ZC3H7B: variants seen among roughly 807,000 people sequenced by gnomAD.
ZC3H7B encodes zinc finger CCCH domain-containing protein 7B.
Under a neutral mutation model 116.0 loss-of-function variants are expected in ZC3H7B, and 35 were observed. The ratio of observed to expected loss-of-function variants is 0.30; its 90% CI spans 0.23 to 0.40. The LOEUF (loss-of-function observed/expected upper bound fraction) is 0.40. Ranked by LOEUF, ZC3H7B falls within the 10% of genes least tolerant of loss-of-function variation. The pLI is 1.00. For missense variants in ZC3H7B, 1,011 were observed against 1,321.5 expected (o/e 0.77, Z 3.64); for synonymous variants, 502 against 545.6 (o/e 0.92, Z 1.11).
In ZC3H7B at chr22:41,346,205, C is replaced by T. The variant is rs140000532; in HGVS notation, c.1662C>T (p.Cys554=). The T allele has an allele frequency of 6.2e-5, 100 of 1,609,284 alleles. No individual in the cohort carries two copies. Among genetic ancestry groups the T allele is most frequent in the African/African-American group, 3.2e-4 (24 of 75,014 alleles). The change falls in exon 14 of 23, where the codon TGC becomes TGT. Residue 554 remains cysteine (C), a synonymous_variant. Transcript: ENST00000352645. This position sits in a 1 kb window ranked among gnomAD's most constrained non-coding sequence, Gnocchi z 5.3. ...KEHQGIFTFL[C]EICFDSKPRI... is the part of the protein sequence containing the mutation. ...ACCAGGGCATCTTCACCTTCCTCTG[C>T]GAGGTACTGCCCACCCACCCACTGC...
chr22:41,332,633 C>T (rs368681066), intron 7 of ZC3H7B: 5 of 186,316 alleles, frequency 2.7e-5, no homozygotes, highest in East Asian at 3.0e-4. Context: ...TTTCAAAGCC[C>T]AGCTCAAGGG....
rs73885770 is a variant in ZC3H7B at position 41,308,147 on chromosome 22, T to C, written c.-7+6375T>C. On this transcript the variant is annotated intron_variant, in intron 1 of 22. Transcript: ENST00000352645. ...TTGGATTCCCTGAGACCGAGAACCA[T>C]GTCTTCTGATTGGTTTGTGTTACTG... Among the ~76,000 whole-genome samples the C allele has an allele frequency of 6.5e-3, 994 of 152,112 alleles. 10 individuals carry two copies. The highest frequency in any genetic ancestry group is 0.023 in the African/African-American group (970 of 41,510).
rs373809259 is a variant in ZC3H7B, at chr22:41,329,522, G to T, written c.445-501G>T. 9.2e-5 allele frequency among the ~76,000 whole-genome samples: 14 copies of T among 152,100 alleles called. No homozygotes were observed. In the East Asian group the frequency reaches 2.7e-3, roughly 30 times the overall value. ...GATCCGCCCACCTCTGCCTCCCAAAGTGCTGGGATTACAGGCATGAGCCAC... is the reference window on the plus strand; with the variant it reads ...GATCCGCCCACCTCTGCCTCCCAAATTGCTGGGATTACAGGCATGAGCCAC... On this transcript the variant is annotated intron_variant, in intron 5 of 22. Coordinates refer to ENST00000352645, the MANE Select transcript of ZC3H7B (RefSeq NM_017590.6).
chr22:41,349,423 C>A lies in ZC3H7B; in HGVS notation c.1948+122C>A. 1 of 1,336,400 alleles carries A rather than the reference C, an allele frequency of 7.5e-7. No individual in the cohort carries two copies. Among genetic ancestry groups the A allele is most frequent in the Non-Finnish European group, 1.0e-6 (1 of 981,182 alleles). The allele number at this position is 1,336,400 out of a possible 1,614,324, so 82.8% of individuals were successfully genotyped here. A position where few individuals can be genotyped will look rare whatever the true frequency, so the allele number is the denominator to read the frequency against. Reference sequence around the variant, plus strand: ...AGGGCCCCATGGTCGCTGGAGGGGGCTTCGGGAGAGTTCAGGAGAGGTGGC... The same window carrying A: ...AGGGCCCCATGGTCGCTGGAGGGGGATTCGGGAGAGTTCAGGAGAGGTGGC... On this transcript the variant is annotated intron_variant, in intron 16 of 22. Coordinates refer to ENST00000352645, the MANE Select transcript of ZC3H7B (RefSeq NM_017590.6). This position sits in a 1 kb window ranked among gnomAD's most constrained non-coding sequence, Gnocchi z 4.9.
rs2145946491 is a variant in ZC3H7B, at chr22:41,357,392, C to G, written c.2897C>G (p.Ala966Gly). 6.2e-7 allele frequency: 1 copy of G among 1,613,110 alleles called. No homozygotes were observed. The change falls in exon 23 of 23, where the codon GCC (alanine) becomes GGC (glycine). Residue 966 changes from alanine to glycine, a missense_variant. Ala to Gly is a moderately conservative substitution (Grantham distance 60, BLOSUM62 0). Coordinates refer to ENST00000352645, the MANE Select transcript of ZC3H7B (RefSeq NM_017590.6). This position sits in a 1 kb window ranked among gnomAD's most constrained non-coding sequence, Gnocchi z 5.4. ...GACCTTGCCGGTGCCACCCCAGAAG[C>G]CCCTGCTGCTGCTGCCACCGCCACC... The part of the protein sequence containing the change: ...DGDLAGATPE[A>G]PAAAATATTG...
At chr22:41,329,901 C>T (rs2036360700) in intron 5 of ZC3H7B, 122 bp from the exon 6 acceptor site, 1 of 954,228 alleles carries the variant, frequency 1.0e-6, no homozygotes, top group African/African-American at 1.6e-5. Flanking sequence ...TGGGGCCTCA[C>T]TTTCTCATCT....
At chr22:41,342,724 T>C in intron 12 of ZC3H7B, 96 bp downstream of exon 12, 1 of 1,228,298 alleles carries the variant, frequency 8.1e-7, no homozygotes, top group Non-Finnish European at 1.1e-6. Context: ...GTGTCTCAGT[T>C]GGAGATAAGT....
intron 17 of ZC3H7B, among the ~76,000 whole-genome samples, chr22:41,353,470 G>A (rs532150428): frequency 5.3e-5 from 8 of 152,362 alleles, no homozygotes; most frequent in Non-Finnish European, 8.8e-5. Context: ...TGCTCACATC[G>A]TCCCCAGGTG....
chr22:41,303,526 A>C (rs1295240509), intron 1 of ZC3H7B, among the ~76,000 whole-genome samples: 2 of 152,162 alleles, frequency 1.3e-5, no homozygotes. Context: ...CTCAAATATC[A>C]CTTTTTAGTT....
Position 41,349,070 on chromosome 22 carries a change from CAG to C in ZC3H7B, c.1767-47_1767-46del. The C allele has an allele frequency of 1.3e-6, 2 of 1,591,034 alleles. No homozygotes were observed. The highest frequency in any genetic ancestry group is 1.7e-6 in the Non-Finnish European group (2 of 1,166,920). On this transcript the variant is annotated intron_variant, in intron 15 of 22. Transcript: ENST00000352645. This position sits in a 1 kb window ranked among gnomAD's most constrained non-coding sequence, Gnocchi z 4.9. ...AGGTGGCCCTACCAGGAGAGAAGGT[CAG>C]AGGGGCTGCGGACTGCATCGTGCCC...
chr22:41,306,121 C>T (rs1031430331), intron 1 of ZC3H7B, among the ~76,000 whole-genome samples: 4 of 152,152 alleles, frequency 2.6e-5, no homozygotes, highest in African/African-American at 9.7e-5. Flanking sequence ...TGGGCAGATA[C>T]ATGACATTGG....
In ZC3H7B at chr22:41,338,260, G is replaced by C. The variant is rs1601783975; in HGVS notation, c.583-53G>C. ...ACGTGGGGAGGGGCTGGTGCTGGGT[G>C]CTGGGATCGGGGCCTTCCCAGCCAC... On this transcript the variant is annotated intron_variant, in intron 7 of 22. Transcript: ENST00000352645. This position sits in a 1 kb window ranked among gnomAD's most constrained non-coding sequence, Gnocchi z 4.5. The C allele has an allele frequency of 2.5e-6, 4 of 1,588,538 alleles. No homozygotes were observed. Among genetic ancestry groups the C allele is most frequent in the Non-Finnish European group, 3.4e-6 (4 of 1,164,002 alleles).
At position 41,346,013 on chromosome 22, in the gene ZC3H7B, C is replaced by T. The variant is rs1310623328; in HGVS notation, c.1470C>T (p.Asn490=). The change falls in exon 14 of 23, where the codon AAC becomes AAT. Residue 490 remains asparagine, a synonymous_variant. Coordinates refer to ENST00000352645, the MANE Select transcript of ZC3H7B (RefSeq NM_017590.6). The surrounding 1 kb of genome is among the most constrained non-coding windows in gnomAD (Gnocchi z 5.3). ...GTTGCCTCTTTGCAGACATGATTAA[C>T]AAGCAGGACTGTAAGTACGGGGATA... ...GSYYLCKDMI[N]KQDCKYGDNC... The T allele has an allele frequency of 1.1e-5, 17 of 1,614,002 alleles. No homozygotes were observed. The highest frequency in any genetic ancestry group is 1.3e-5 in the African/African-American group (1 of 74,912).
rs151218925 is a variant in ZC3H7B, at chr22:41,355,989, A to G, written c.2310A>G (p.Gln770=). 3.9e-5 allele frequency: 61 copies of G among 1,566,180 alleles called. No individual in the cohort carries two copies. Among genetic ancestry groups the G allele is most frequent in the Non-Finnish European group, 5.2e-5 (60 of 1,156,792 alleles). The part of the protein sequence containing the change: ...CIHAQNGRKC[Q]YVGNCSFAHS... ...ATGCACAGAACGGCCGCAAGTGCCA[A>G]TATGTGGGGAACTGCTCCTTCGCAC... The change falls in exon 20 of 23, where the codon CAA becomes CAG. Residue 770 remains glutamine, a synonymous_variant. Transcript: ENST00000352645.
chr22:41,338,885 TG>T lies in ZC3H7B; in HGVS notation c.626-114del. ...CAGCCGATGGGGAAGGCAGGGCTCC[TG>T]GCAAGAGCTGAAAGAAGAAGGGAAA... On this transcript the variant is annotated intron_variant, in intron 8 of 22. Transcript: ENST00000352645. This position sits in a 1 kb window ranked among gnomAD's most constrained non-coding sequence, Gnocchi z 4.5. 8.3e-7 allele frequency: 1 copy of T among 1,208,416 alleles called. No homozygotes were observed. The highest frequency in any genetic ancestry group is 1.1e-6 in the Non-Finnish European group (1 of 884,844). 74.9% of individuals were successfully genotyped at this position (1,208,416 alleles called of 1,614,324 possible).
At chr22:41,318,539 A>AG in intron 1 of ZC3H7B, among the ~76,000 whole-genome samples, 1 of 150,830 alleles carries the variant, frequency 6.6e-6, no homozygotes, top group East Asian at 1.9e-4. Flanking sequence ...AAAAAAAAAA[A>AG]AAAAAAAAGA....
At chr22:41,317,685 G>A (rs897114526) in intron 1 of ZC3H7B, among the ~76,000 whole-genome samples, 6 of 152,118 alleles carry the variant, frequency 3.9e-5, no homozygotes, top group Non-Finnish European at 5.9e-5. Flanking sequence ...TCAGGAGGCT[G>A]AGGGGGGAAG....
chr22:41,327,442 G>T lies in ZC3H7B; in HGVS notation c.444+78G>T. ...ACCTTCCGGCCCTCACTTGGGCCCA[G>T]CCACCACATCCTTCTGTGTCTCACT... is the stretch of plus-strand genomic sequence containing the variant. On this transcript the variant is annotated intron_variant, in intron 5 of 22. Coordinates refer to ENST00000352645, the MANE Select transcript of ZC3H7B (RefSeq NM_017590.6). This position sits in a 1 kb window ranked among gnomAD's most constrained non-coding sequence, Gnocchi z 4.5. 6.5e-7 allele frequency: 1 copy of T among 1,544,090 alleles called. No individual in the cohort carries two copies. The highest frequency in any genetic ancestry group is 1.8e-5 in the Admixed American group (1 of 56,742).
Position 41,302,800 on chromosome 22 carries a change from G to A in ZC3H7B, c.-7+1028G>A, listed in dbSNP as rs751599709. On this transcript the variant is annotated intron_variant, in intron 1 of 22. Coordinates refer to ENST00000352645, the MANE Select transcript of ZC3H7B (RefSeq NM_017590.6). This position sits in a 1 kb window ranked among gnomAD's most constrained non-coding sequence, Gnocchi z 5.7. ...CTGTATTGCCAACAGGGCATTGACGGGGAAGACTAGGGGGCTAGGGCCCTG... is the reference window on the plus strand; with the variant it reads ...CTGTATTGCCAACAGGGCATTGACGAGGAAGACTAGGGGGCTAGGGCCCTG... 1.3e-5 allele frequency among the ~76,000 whole-genome samples: 2 copies of A among 152,052 alleles called. No individual in the cohort carries two copies. Among genetic ancestry groups the A allele is most frequent in the Non-Finnish European group, 2.9e-5 (2 of 68,000 alleles).
Sources: gnomAD v4.1 joint callset for allele counts (sites outside exome capture counted in the v4.1 genomes callset) on GRCh38, gnomAD v4.1.1 for gene constraint, Gnocchi (gnomAD v3.1) non-coding constraint, MANE v1.5 for transcripts, NCBI Gene and HGNC (gene_info 2026-07-23, HGNC 2026-07-21) for gene names.